The following FRMD4A variants were observed in gnomAD, a reference collection of about 807,000 sequenced individuals.
FRMD4A encodes FERM domain-containing protein 4A.
Under a neutral mutation model 129.1 loss-of-function variants are expected in FRMD4A, and 29 were observed. That is an observed-to-expected ratio of 0.22 (90% confidence interval 0.17 to 0.31). The LOEUF (loss-of-function observed/expected upper bound fraction) is 0.31, where lower values mean the gene tolerates loss of function less well. FRMD4A is among the 10% of genes least tolerant of loss of function. FRMD4A has a pLI of 1.00. For synonymous variants in FRMD4A, 634 were observed against 571.6 expected (o/e 1.11, Z -1.56); for missense variants, 1,272 against 1,375.8 (o/e 0.92, Z 1.19).
chr10:13,884,186 A>ACACACACT (rs2094587028), intron 2 of FRMD4A, among the ~76,000 whole-genome samples: 1 of 109,598 alleles, frequency 9.1e-6, no homozygotes, highest in African/African-American at 3.6e-5. Flanking sequence ...TCACACACAC[A>ACACACACT]CACACACACT....
chr10:14,207,609 T>C (rs1355783013), intron 2 of FRMD4A, among the ~76,000 whole-genome samples: 1 of 151,730 alleles, frequency 6.6e-6, no homozygotes, highest in East Asian at 1.9e-4. Context: ...TTAAAGAAAA[T>C]ACACCTCATC....
At chr10:13,681,695 C>T (rs1414993646) in intron 15 of FRMD4A, among the ~76,000 whole-genome samples, 1 of 152,040 alleles carries the variant, frequency 6.6e-6, no homozygotes, top group Non-Finnish European at 1.5e-5. Context: ...AAGCTCACAC[C>T]AGTGGTTTTG....
chr10:13,784,653 A>G (rs2092811237), intron 5 of FRMD4A, among the ~76,000 whole-genome samples: 1 of 152,318 alleles, frequency 6.6e-6, no homozygotes, highest in Admixed American at 6.5e-5. Context: ...GGAAAGCTCA[A>G]TGGTAGCGTT....
chr10:13,870,205 C>T (rs2094423578), intron 2 of FRMD4A, among the ~76,000 whole-genome samples: 1 of 152,244 alleles, frequency 6.6e-6, no homozygotes, highest in South Asian at 2.1e-4. Context: ...GCCCCAGAGG[C>T]CAGTCCTGCT....
At chr10:14,033,369 A>G (rs1833343187) in intron 2 of FRMD4A, among the ~76,000 whole-genome samples, 1 of 152,128 alleles carries the variant, frequency 6.6e-6, no homozygotes, top group Non-Finnish European at 1.5e-5. Context: ...GATATTATTA[A>G]TACATGCTTA....
At chr10:14,103,013 A>G (rs1837391366) in intron 2 of FRMD4A, among the ~76,000 whole-genome samples, 1 of 152,176 alleles carries the variant, frequency 6.6e-6, no homozygotes. Flanking sequence ...CCCAGCCTAT[A>G]AGAAATTGAA....
At chr10:14,159,532 T>C (rs1840771333) in intron 2 of FRMD4A, among the ~76,000 whole-genome samples, 1 of 152,124 alleles carries the variant, frequency 6.6e-6, no homozygotes, top group South Asian at 2.1e-4. Flanking sequence ...CTAATATTAT[T>C]AAAATAATCA....
chr10:13,990,642 T>G (rs1645343077), intron 2 of FRMD4A, among the ~76,000 whole-genome samples: 1 of 152,134 alleles, frequency 6.6e-6, no homozygotes, highest in Non-Finnish European at 1.5e-5. Context: ...GGGAGCAGGA[T>G]CTGCTTCCCG....
chr10:13,660,879 G>A (rs1230679247), intron 19 of FRMD4A, among the ~76,000 whole-genome samples: 1 of 152,204 alleles, frequency 6.6e-6, no homozygotes, highest in African/African-American at 2.4e-5. Context: ...ACAGCAAAAT[G>A]TAGTTACTGC....
intron 2 of FRMD4A, chr10:14,008,211 T>TGTGTGTGTGTGTGTGTGTGTGTGTGTG (rs55649273): frequency 2.6e-6 from 3 of 1,151,354 alleles, no homozygotes; most frequent in Non-Finnish European, 3.4e-6. Flanking sequence ...TGTGTGTGTG[T>TGTGTGTGTGTGTGTGTGTGTGTGTGTG]TCCCAGCAAA....
intron 2 of FRMD4A, among the ~76,000 whole-genome samples, chr10:14,156,454 T>A (rs1345043662): frequency 6.6e-6 from 1 of 152,178 alleles, no homozygotes; most frequent in Non-Finnish European, 1.5e-5. Flanking sequence ...CAAAATATAC[T>A]TGCAATATTG....
intron 15 of FRMD4A, among the ~76,000 whole-genome samples, chr10:13,683,363 T>C (rs568022539): frequency 4.6e-5 from 7 of 151,828 alleles, no homozygotes; most frequent in South Asian, 2.1e-4. Flanking sequence ...GGCGGGAGGA[T>C]TGCTTAATGC....
At chr10:13,981,371 C>T (rs538899087) in intron 2 of FRMD4A, among the ~76,000 whole-genome samples, 78 of 152,174 alleles carry the variant, frequency 5.1e-4, no homozygotes, top group Non-Finnish European at 9.7e-4. Flanking sequence ...TTAGGTCGAC[C>T]AGGAGGCCAG....
intron 2 of FRMD4A, among the ~76,000 whole-genome samples, chr10:13,935,640 A>C (rs1044942646): frequency 5.3e-5 from 8 of 152,094 alleles, no homozygotes; most frequent in African/African-American, 1.9e-4. Context: ...TGGTGACGTG[A>C]AGCAAGGCCA....
chr10:13,917,532 C>T (rs2131247414), intron 2 of FRMD4A, among the ~76,000 whole-genome samples: 1 of 152,240 alleles, frequency 6.6e-6, no homozygotes, highest in Non-Finnish European at 1.5e-5. Flanking sequence ...TCAAGCAATC[C>T]ACCTGCCTTG....
intron 2 of FRMD4A, among the ~76,000 whole-genome samples, chr10:13,993,965 C>G (rs1255557943): frequency 1.3e-5 from 2 of 150,436 alleles, no homozygotes; most frequent in African/African-American, 2.4e-5. Flanking sequence ...TTATGAAAAT[C>G]AAGCCTGGGG....
intron 2 of FRMD4A, among the ~76,000 whole-genome samples, chr10:13,944,689 T>C (rs927536814): frequency 6.6e-6 from 1 of 152,216 alleles, no homozygotes; most frequent in Admixed American, 6.5e-5. Context: ...AAAACTCTTC[T>C]GTTATATATT....
intron 2 of FRMD4A, among the ~76,000 whole-genome samples, chr10:13,916,084 G>A (rs1283039464): frequency 2.0e-5 from 3 of 152,208 alleles, no homozygotes; most frequent in African/African-American, 7.2e-5. Context: ...CAGGTCAACT[G>A]GAACTGCAAA....
chr10:13,958,586 GTCTT>G (rs1485075427), intron 2 of FRMD4A, among the ~76,000 whole-genome samples: 10 of 135,704 alleles, frequency 7.4e-5, no homozygotes, highest in Non-Finnish European at 1.4e-4. Flanking sequence ...CCCGACCAGT[GTCTT>G]TCTTTCTTTC....
Sources: allele counts gnomAD v4.1 joint callset (sites outside exome capture counted in the v4.1 genomes callset), GRCh38; gene constraint gnomAD v4.1.1; transcripts MANE v1.5; gene names NCBI Gene and HGNC (gene_info 2026-07-23, HGNC 2026-07-21).